EMSY: variants seen among roughly 807,000 people sequenced by gnomAD.
EMSY encodes the protein EMSY transcriptional repressor, BRCA2 interacting.
Under a neutral mutation model 134.6 loss-of-function variants are expected in EMSY, and 26 were observed. That is an observed-to-expected ratio of 0.19 (90% CI 0.14 to 0.27). EMSY has a LOEUF of 0.27. EMSY is among the 10% of genes least tolerant of loss of function. The pLI is 1.00. For synonymous variants in EMSY, 579 were observed against 577.8 expected (o/e 1.00, Z -0.03); for missense variants, 1,305 against 1,611.4 (o/e 0.81, Z 3.26).
chr11:76,515,046 A>G (rs1440180962), intron 10 of EMSY, among the ~76,000 whole-genome samples: 1 of 148,550 alleles, frequency 6.7e-6, no homozygotes, highest in East Asian at 1.9e-4. Context: ...TCCATATAGC[A>G]TATTTACTTT....
intron 8 of EMSY, among the ~76,000 whole-genome samples, chr11:76,481,892 C>A (rs1453332529): frequency 2.6e-5 from 4 of 152,180 alleles, no homozygotes; most frequent in Admixed American, 6.5e-5. Context: ...AACATTTGAG[C>A]TCTGCTAAGG....
chr11:76,494,615 T>TTGCCTGCC lies in EMSY; in HGVS notation c.1109-1590_1109-1583dup, dbSNP rs150587347. ...AGCCTTCCAGGTGATTCTGACTACC[T>TTGCCTGCC]TGCCTGCCTGCCTGCCTTCCTCTCC... is the stretch of plus-strand genomic sequence containing the variant. On this transcript the variant is annotated intron_variant, in intron 8 of 20. Transcript: ENST00000334736. Among the ~76,000 whole-genome samples the TTGCCTGCC allele has an allele frequency of 3.7e-5, 5 of 136,524 alleles. 1 individual carries two copies. The South Asian group carries it at 1.2e-3, about 33-fold the overall frequency. 89.6% of individuals were successfully genotyped at this position (136,524 alleles called of 152,430 possible). A position where few individuals can be genotyped will look rare whatever the true frequency, so the allele number is the denominator to read the frequency against.
intron 9 of EMSY, among the ~76,000 whole-genome samples, chr11:76,510,516 G>A (rs767674153): frequency 5.9e-5 from 9 of 152,150 alleles, no homozygotes; most frequent in Non-Finnish European, 1.2e-4. Context: ...TCACAGAGTC[G>A]GGGTAAGGGG....
chr11:76,467,767 G>A lies in EMSY; in HGVS notation c.831+3687G>A, dbSNP rs141554558. On this transcript the variant is annotated intron_variant, in intron 7 of 20. Transcript: ENST00000334736. Reference sequence around the variant, plus strand: ...AACACTTTGGGAGGCTGAGGCAGGCGGATCACCTGAGGGTAGGAGTTCTGA... The same window carrying A: ...AACACTTTGGGAGGCTGAGGCAGGCAGATCACCTGAGGGTAGGAGTTCTGA... 9.2e-3 allele frequency among the ~76,000 whole-genome samples: 1,403 copies of A among 152,136 alleles called. 22 individuals carry two copies. The highest frequency in any genetic ancestry group is 0.032 in the African/African-American group (1,338 of 41,490).
chr11:76,496,819 C>T (rs190419465), intron 9 of EMSY: 1 of 329,920 alleles, frequency 3.0e-6, no homozygotes, highest in Non-Finnish European at 5.8e-6. Flanking sequence ...GTGTATGCAA[C>T]TATGTCATCT....
intron 8 of EMSY, among the ~76,000 whole-genome samples, chr11:76,495,052 T>A (rs1949595420): frequency 6.6e-6 from 1 of 152,114 alleles, no homozygotes; most frequent in African/African-American, 2.4e-5. Context: ...TCTCAAAGTG[T>A]CCCTCAGTCT....
chr11:76,547,230 C>T (rs535763811), intron 20 of EMSY: 8 of 279,342 alleles, frequency 2.9e-5, no homozygotes, highest in African/African-American at 1.8e-4. Flanking sequence ...CTAGGATTTA[C>T]CATCAATTCA....
chr11:76,542,757 T>TTTG (rs1489144860), intron 18 of EMSY, among the ~76,000 whole-genome samples: 30 of 150,252 alleles, frequency 2.0e-4, no homozygotes, highest in African/African-American at 2.2e-4. Flanking sequence ...TTTTTTGTTT[T>TTTG]TTTTTTTTTT....
intron 9 of EMSY, among the ~76,000 whole-genome samples, chr11:76,502,049 A>G (rs1442331506): frequency 3.3e-5 from 5 of 150,732 alleles, no homozygotes; most frequent in Admixed American, 6.6e-5. Context: ...GAAATGAAAA[A>G]AAAAAAAAAA....
chr11:76,446,917 G>T, exon 2 of EMSY: 1 of 1,609,132 alleles, frequency 6.2e-7, no homozygotes, highest in Non-Finnish European at 8.5e-7. Context: ...AAGCTCTTTG[G>T]GGCTACCAAA....
chr11:76,542,624 T>A (rs1178558703), intron 18 of EMSY, among the ~76,000 whole-genome samples: 1 of 152,226 alleles, frequency 6.6e-6, no homozygotes, highest in Non-Finnish European at 1.5e-5. Context: ...GACATCAGAA[T>A]TGGTCACTGT....
At chr11:76,503,300 CAAAAAAAAAAAAAA>C (rs61098325) in intron 9 of EMSY, among the ~76,000 whole-genome samples, 1 of 70,796 alleles carries the variant, frequency 1.4e-5, no homozygotes, top group Non-Finnish European at 2.6e-5. Flanking sequence ...GGCGTGGTCT[CAAAAAAAAAAAAAA>C]AAAAAAAAAG....
intron 14 of EMSY, 67 bp downstream of exon 15, chr11:76,528,533 G>C (rs1203464272): frequency 1.6e-6 from 2 of 1,229,328 alleles, no homozygotes; most frequent in Non-Finnish European, 2.3e-6. Flanking sequence ...CTAAAATAGA[G>C]GTTGCTTCTA....
chr11:76,513,408 G>A (rs1356286237), exon 10 of EMSY: 3 of 1,613,456 alleles, frequency 1.9e-6, no homozygotes, highest in Non-Finnish European at 2.5e-6. Flanking sequence ...TCACACAACA[G>A]GTTCAACCAA....
At chr11:76,526,566 T>C (rs1950853677) in exon 13 of EMSY, 1 of 1,613,710 alleles carries the variant, frequency 6.2e-7, no homozygotes, top group Non-Finnish European at 8.5e-7. Flanking sequence ...AAGGAATAGG[T>C]TCTACAGTTC....
chr11:76,539,112 G>A (rs112136113), intron 16 of EMSY, among the ~76,000 whole-genome samples: 12 of 152,024 alleles, frequency 7.9e-5, no homozygotes, highest in Admixed American at 2.6e-4. Context: ...AAACAAGATA[G>A]ATTGTTTCTC....
chr11:76,485,792 C>T (rs945396834), intron 8 of EMSY, among the ~76,000 whole-genome samples: 9 of 152,178 alleles, frequency 5.9e-5, no homozygotes, highest in Non-Finnish European at 1.0e-4. Flanking sequence ...AACACTTTTA[C>T]ACTGTTGGTG....
rs113875958 is a variant in EMSY, at chr11:76,496,209, C to T, written c.1109-6C>T. ...AATTCTCTTTTCCCTTACTCCTTTT[C>T]TACAGGTGTATCTACATCAGCAATC... On this transcript the variant is annotated splice_region_variant and splice_polypyrimidine_tract_variant and intron_variant, in intron 8 of 20. Transcript: ENST00000334736. 1 of 1,605,774 alleles carries T rather than the reference C, an allele frequency of 6.2e-7. No homozygotes were observed. Among genetic ancestry groups the T allele is most frequent in the Non-Finnish European group, 8.5e-7 (1 of 1,175,212 alleles).
Position 76,489,846 on chromosome 11 carries a change from C to G in EMSY, c.1109-6369C>G, listed in dbSNP as rs552081817. Reference sequence around the variant, plus strand: ...TCTCAAACTTCTGACCTCTGGTGATCCATCCACCTCGGCCTCCCAAAGTGC... The same window carrying G: ...TCTCAAACTTCTGACCTCTGGTGATGCATCCACCTCGGCCTCCCAAAGTGC... On this transcript the variant is annotated intron_variant, in intron 8 of 20. Transcript: ENST00000334736. 6.6e-5 allele frequency among the ~76,000 whole-genome samples: 10 copies of G among 152,286 alleles called. No individual in the cohort carries two copies. The South Asian group carries it at 2.1e-3, about 32-fold the overall frequency.
Sources: gnomAD v4.1 joint callset for allele counts (sites outside exome capture counted in the v4.1 genomes callset) on GRCh38, gnomAD v4.1.1 for gene constraint, MANE v1.5 for transcripts, NCBI Gene and HGNC (gene_info 2026-07-23, HGNC 2026-07-21) for gene names.